XRCC4: variants seen among roughly 807,000 people sequenced by gnomAD.
XRCC4 encodes the protein DNA repair protein XRCC4.
Under a neutral mutation model 39.1 loss-of-function variants are expected in XRCC4, and 28 were observed. That is an observed-to-expected ratio of 0.72 (90% CI 0.53 to 0.98). The LOEUF is 0.98. Ranked by LOEUF, XRCC4 falls within the 50% of genes least tolerant of loss-of-function variation. The pLI is 0.00. For synonymous variants in XRCC4, 123 were observed against 126.4 expected, an observed-to-expected ratio of 0.97 and a Z score of 0.18; for missense variants, 350 against 376.4, an observed-to-expected ratio of 0.93 and a Z score of 0.58.
chr5:83,213,799 A>T (rs1188634923), intron 6 of XRCC4, among the ~76,000 whole-genome samples: 3 of 152,228 alleles, frequency 2.0e-5, no homozygotes, highest in African/African-American at 7.2e-5. Context: ...GAACATAGAT[A>T]TAAACATTTG....
At chr5:83,145,021 G>A (rs953671174) in intron 3 of XRCC4, among the ~76,000 whole-genome samples, 2 of 151,898 alleles carry the variant, frequency 1.3e-5, no homozygotes, top group African/African-American at 4.8e-5. Context: ...TCAGCCTCCC[G>A]AGTAGCTGGG....
At chr5:83,149,635 A>G (rs1748615356) in intron 3 of XRCC4, among the ~76,000 whole-genome samples, 1 of 152,144 alleles carries the variant, frequency 6.6e-6, no homozygotes, top group Non-Finnish European at 1.5e-5. Context: ...GTAGTATTTC[A>G]TCAAAATAAG....
chr5:83,256,639 A>T (rs1369221823), intron 6 of XRCC4, among the ~76,000 whole-genome samples: 3 of 101,134 alleles, frequency 3.0e-5, no homozygotes, highest in South Asian at 2.6e-4. Context: ...GAATGTGTTT[A>T]AAAAAAAAAA....
chr5:83,236,217 C>A (rs1043220577), intron 6 of XRCC4, among the ~76,000 whole-genome samples: 1 of 151,988 alleles, frequency 6.6e-6, no homozygotes, highest in African/African-American at 2.4e-5. Context: ...AAAAAATAAT[C>A]CTAAAATGTA....
At chr5:83,094,893 T>A (rs1000578218) in intron 1 of XRCC4, among the ~76,000 whole-genome samples, 6 of 151,900 alleles carry the variant, frequency 3.9e-5, no homozygotes, top group African/African-American at 1.4e-4. Flanking sequence ...TCTTTTTTTT[T>A]TTTTTTTTTT....
intron 3 of XRCC4, among the ~76,000 whole-genome samples, chr5:83,148,031 G>T (rs996995696): frequency 6.6e-6 from 1 of 151,846 alleles, no homozygotes; most frequent in African/African-American, 2.4e-5. Context: ...CAGGTGATTC[G>T]CCCTCCTCGG....
chr5:83,114,669 C>G (rs1746623243), intron 3 of XRCC4, among the ~76,000 whole-genome samples: 1 of 152,232 alleles, frequency 6.6e-6, no homozygotes, highest in African/African-American at 2.4e-5. Flanking sequence ...TCTGAGCCCT[C>G]AAGTCTCTAG....
chr5:83,099,742 A>G (rs1169577073), intron 1 of XRCC4, among the ~76,000 whole-genome samples: 1 of 152,162 alleles, frequency 6.6e-6, no homozygotes, highest in Non-Finnish European at 1.5e-5. Flanking sequence ...AGGTGCTGAT[A>G]CTAATGTGAC....
chr5:83,275,391 T>G, intron 7 of XRCC4, among the ~76,000 whole-genome samples: 1 of 147,586 alleles, frequency 6.8e-6, no homozygotes. Context: ...GCCTCCCGGG[T>G]TCACGCCATT....
chr5:83,170,451 C>T lies in XRCC4; in HGVS notation c.316-25319C>T, dbSNP rs190176702. Among the ~76,000 whole-genome samples, 306 of 152,316 alleles carry T rather than the reference C, an allele frequency of 2.0e-3. 3 individuals are homozygous for T. Among genetic ancestry groups the T allele is most frequent in the South Asian group, 4.1e-3 (20 of 4,832 alleles). On this transcript the variant is annotated intron_variant, in intron 3 of 7. Coordinates refer to ENST00000396027, the MANE Select transcript of XRCC4 (RefSeq NM_003401.5). The stretch of plus-strand genomic sequence containing the variant: ...CTACCAACCCCATCAACTGGGTTCT[C>T]TGCTCAGGATCTCACAAGGCTGAAA...
chr5:83,127,424 G>A (rs1747323885), intron 3 of XRCC4, among the ~76,000 whole-genome samples: 1 of 152,036 alleles, frequency 6.6e-6, no homozygotes, highest in African/African-American at 2.4e-5. Context: ...GCTTTTATAA[G>A]GTGATACCCT....
At chr5:83,097,371 C>CTA (rs1320732794) in intron 1 of XRCC4, among the ~76,000 whole-genome samples, 1 of 147,456 alleles carries the variant, frequency 6.8e-6, no homozygotes, top group African/African-American at 2.5e-5. Context: ...TTTCCTCAGA[C>CTA]TAAGTTGCTC....
chr5:83,367,755 A>AT, the XRCC4 span, among the ~76,000 whole-genome samples: 355 of 142,360 alleles, frequency 2.5e-3, no homozygotes, highest in African/African-American at 4.5e-3. Flanking sequence ...TACCCAGCTA[A>AT]TTTTTTTTTT....
At chr5:83,162,268 G>A (rs775555168) in intron 3 of XRCC4, among the ~76,000 whole-genome samples, 18 of 152,248 alleles carry the variant, frequency 1.2e-4, no homozygotes, top group East Asian at 3.9e-4. Flanking sequence ...ATTTAAGATC[G>A]TTTATTTTCC....
chr5:83,225,125 A>G (rs559854745), intron 6 of XRCC4, among the ~76,000 whole-genome samples: 20 of 152,222 alleles, frequency 1.3e-4, no homozygotes, highest in Non-Finnish European at 2.5e-4. Flanking sequence ...ACCCATTTGG[A>G]CAGAGATTTT....
chr5:83,151,628 C>T (rs1748707663), intron 3 of XRCC4, among the ~76,000 whole-genome samples: 1 of 151,936 alleles, frequency 6.6e-6, no homozygotes, highest in South Asian at 2.1e-4. Context: ...AATATAATAG[C>T]CATATTGGAT....
intron 7 of XRCC4, among the ~76,000 whole-genome samples, chr5:83,261,275 A>G (rs928122025): frequency 6.6e-6 from 1 of 152,028 alleles, no homozygotes; most frequent in Non-Finnish European, 1.5e-5. Context: ...TAAAATTAAA[A>G]CTGCTACCTA....
At chr5:83,258,127 T>C (rs1753615401) in intron 6 of XRCC4, among the ~76,000 whole-genome samples, 1 of 152,142 alleles carries the variant, frequency 6.6e-6, no homozygotes, top group Non-Finnish European at 1.5e-5. Flanking sequence ...CCGTGGCACT[T>C]GTATACATAT....
intron 3 of XRCC4, among the ~76,000 whole-genome samples, chr5:83,133,078 T>C (rs1747686281): frequency 6.6e-6 from 1 of 152,152 alleles, no homozygotes; most frequent in African/African-American, 2.4e-5. Flanking sequence ...GGTGTGGATG[T>C]CCTTCCTGTT....
Sources: gnomAD v4.1 joint callset for allele counts (sites outside exome capture counted in the v4.1 genomes callset) on GRCh38, gnomAD v4.1.1 for gene constraint, MANE v1.5 for transcripts, NCBI Gene and HGNC (gene_info 2026-07-23, HGNC 2026-07-21) for gene names.